LRRC7: variants seen among roughly 807,000 people sequenced by gnomAD.
LRRC7 encodes the protein leucine rich repeat containing 7.
Under a neutral mutation model 175.7 loss-of-function variants are expected in LRRC7, and 23 were observed. That is an observed-to-expected ratio of 0.13 (90% CI 0.09 to 0.19). The LOEUF (loss-of-function observed/expected upper bound fraction) is 0.19. Among genes scored for constraint, LRRC7 ranks in the 10% least tolerant of loss-of-function variants. LRRC7 has a pLI of 1.00. For missense variants in LRRC7, 1,354 were observed against 1,904.7 expected, an observed-to-expected ratio of 0.71 and a Z score of 5.38; for synonymous variants, 685 against 680.9, an observed-to-expected ratio of 1.01 and a Z score of -0.09.
intron 1 of LRRC7, among the ~76,000 whole-genome samples, chr1:69,608,726 G>A (rs75293011): frequency 0.017 from 2,587 of 150,536 alleles, 66 homozygotes; most frequent in African/African-American, 0.06. Context: ...TAAGAACTCT[G>A]ACCTTAAAAA....
intron 7 of LRRC7, among the ~76,000 whole-genome samples, chr1:69,865,932 A>G (rs1431040967): frequency 6.6e-6 from 1 of 152,186 alleles, no homozygotes; most frequent in East Asian, 1.9e-4. Flanking sequence ...AATGGAAAAT[A>G]ACATTTTGTG....
chr1:69,727,597 A>G (rs1380416150), intron 2 of LRRC7, among the ~76,000 whole-genome samples: 1 of 152,200 alleles, frequency 6.6e-6, no homozygotes, highest in African/African-American at 2.4e-5. Context: ...TAAAATTACC[A>G]TACTTTACAG....
At chr1:69,993,799 A>T (rs1479267125) in intron 10 of LRRC7, among the ~76,000 whole-genome samples, 1 of 152,152 alleles carries the variant, frequency 6.6e-6, no homozygotes. Flanking sequence ...TTGGATTTGG[A>T]CTATTTAAGC....
At chr1:69,741,175 C>T (rs1168182683) in intron 2 of LRRC7, among the ~76,000 whole-genome samples, 1 of 151,772 alleles carries the variant, frequency 6.6e-6, no homozygotes, top group Non-Finnish European at 1.5e-5. Flanking sequence ...TTAGCAGGGG[C>T]TCCTAATCTA....
intron 23 of LRRC7, among the ~76,000 whole-genome samples, chr1:70,053,569 A>G (rs917471147): frequency 3.9e-5 from 6 of 152,198 alleles, no homozygotes; most frequent in African/African-American, 1.2e-4. Flanking sequence ...GTACATTGCT[A>G]TGTGTGGAGC....
intron 8 of LRRC7, among the ~76,000 whole-genome samples, chr1:69,963,033 G>A (rs1039896027): frequency 2.6e-5 from 4 of 151,920 alleles, no homozygotes; most frequent in African/African-American, 4.8e-5. Flanking sequence ...GGTCAGGCGC[G>A]GTGGCTCCTG....
At position 70,122,867 on chromosome 1, in the gene LRRC7, G is replaced by A. The variant is rs1169144854; in HGVS notation, c.*980G>A. The A allele has an allele frequency of 6.6e-6, 1 of 152,364 alleles. No individual in the cohort carries two copies. Among genetic ancestry groups the A allele is most frequent in the Non-Finnish European group, 1.5e-5 (1 of 67,888 alleles). The allele number at this position is 152,364 out of a possible 1,614,324, so 9.4% of individuals were successfully genotyped here. On this transcript the variant is annotated 3_prime_UTR_variant, in exon 27 of 27. Transcript: ENST00000651989. ...TTTAAATTATTTAAAACGAATTTTG[G>A]AAATTGATAAAATTTATCATTACGA...
intron 7 of LRRC7, among the ~76,000 whole-genome samples, chr1:69,853,147 G>A (rs1042590773): frequency 4.0e-5 from 6 of 151,682 alleles, no homozygotes; most frequent in South Asian, 2.1e-4. Flanking sequence ...TACTATGTTC[G>A]AATGATTGAT....
chr1:69,743,175 G>A (rs1408327673), intron 2 of LRRC7, among the ~76,000 whole-genome samples: 1 of 151,950 alleles, frequency 6.6e-6, no homozygotes, highest in Non-Finnish European at 1.5e-5. Flanking sequence ...TTCTAGAATT[G>A]TCTGTGTTAG....
intron 1 of LRRC7, among the ~76,000 whole-genome samples, chr1:69,677,543 A>T (rs1659947112): frequency 6.6e-6 from 1 of 151,894 alleles, no homozygotes; most frequent in African/African-American, 2.4e-5. Flanking sequence ...AGCAGTGTAT[A>T]AGTGTTCCTT....
chr1:69,632,642 G>T (rs1250258831), intron 1 of LRRC7, among the ~76,000 whole-genome samples: 2 of 151,814 alleles, frequency 1.3e-5, no homozygotes, highest in African/African-American at 4.8e-5. Context: ...TGTTGACTTG[G>T]GTTTATTGAG....
intron 2 of LRRC7, among the ~76,000 whole-genome samples, chr1:69,756,195 A>G (rs897225946): frequency 5.3e-5 from 8 of 151,986 alleles, no homozygotes; most frequent in African/African-American, 1.9e-4. Flanking sequence ...TTTAGGAGAT[A>G]AAGTTGTGAA....
intron 11 of LRRC7, among the ~76,000 whole-genome samples, chr1:69,998,343 C>A (rs1655206054): frequency 6.6e-6 from 1 of 152,120 alleles, no homozygotes; most frequent in South Asian, 2.1e-4. Flanking sequence ...GAAAGCTTCA[C>A]TTTTATAGAG....
intron 1 of LRRC7, among the ~76,000 whole-genome samples, chr1:69,603,482 A>C (rs1647164141): frequency 6.6e-6 from 1 of 152,150 alleles, no homozygotes; most frequent in African/African-American, 2.4e-5. Context: ...ACATTTTATA[A>C]TGCTTTTGTT....
intron 2 of LRRC7, among the ~76,000 whole-genome samples, chr1:69,742,080 GA>G (rs1668774351): frequency 6.6e-6 from 1 of 151,912 alleles, no homozygotes; most frequent in Non-Finnish European, 1.5e-5. Context: ...GTTTTTATGT[GA>G]GTTATGTGAC....
chr1:69,915,408 A>G (rs1646655645), intron 7 of LRRC7, among the ~76,000 whole-genome samples: 1 of 152,192 alleles, frequency 6.6e-6, no homozygotes, highest in African/African-American at 2.4e-5. Context: ...AGACTGAGAT[A>G]CACAAGAACT....
intron 6 of LRRC7, among the ~76,000 whole-genome samples, chr1:69,837,269 G>A (rs963281939): frequency 8.6e-5 from 13 of 151,834 alleles, no homozygotes; most frequent in African/African-American, 2.2e-4. Flanking sequence ...TAAAATATGC[G>A]CCTTAGAGTC....
chr1:69,928,951 C>A (rs545451525), intron 7 of LRRC7, among the ~76,000 whole-genome samples: 3 of 152,218 alleles, frequency 2.0e-5, no homozygotes, highest in African/African-American at 7.2e-5. Flanking sequence ...GCCATCTTGG[C>A]TGCCAGCCTC....
At chr1:69,889,540 C>T (rs566898024) in intron 7 of LRRC7, among the ~76,000 whole-genome samples, 5 of 152,308 alleles carry the variant, frequency 3.3e-5, no homozygotes, top group Admixed American at 1.3e-4. Flanking sequence ...GGTGCAGTGA[C>T]TCACTCCTGT....
Sources: allele counts gnomAD v4.1 joint callset (sites outside exome capture counted in the v4.1 genomes callset), GRCh38; gene constraint gnomAD v4.1.1; transcripts MANE v1.5; gene names NCBI Gene and HGNC (gene_info 2026-07-23, HGNC 2026-07-21).